Variants in ACTR3B observed in about 807,000 individuals in gnomAD.
ACTR3B encodes the protein actin-related protein 3B.
In ACTR3B, 8 loss-of-function variants were observed where a neutral mutation model predicts 59.0. The observed-to-expected ratio is 0.14, with a 90% CI of 0.08 to 0.24. The LOEUF is 0.24. ACTR3B is among the 10% of genes least tolerant of loss of function. The pLI, the probability that ACTR3B is intolerant of heterozygous loss-of-function variation, is 1.00. For synonymous variants in ACTR3B, 148 were observed against 197.9 expected (o/e 0.75, Z 2.12); for missense variants, 245 against 552.3 (o/e 0.44, Z 5.58).
intron 1 of ACTR3B, among the ~76,000 whole-genome samples, chr7:152,767,329 T>G (rs2098113517): frequency 6.6e-6 from 1 of 152,186 alleles, no homozygotes; most frequent in African/African-American, 2.4e-5. Flanking sequence ...CTGGATTTTG[T>G]ATTGTGTTGA....
rs559663323 is a variant in ACTR3B, at chr7:152,800,459, A to G, written c.101-72A>G. 3 of 1,566,864 alleles carry G rather than the reference A, an allele frequency of 1.9e-6. No homozygotes were observed. The South Asian group carries it at 3.6e-5, about 19-fold the overall frequency. On this transcript the variant is annotated intron_variant, in intron 2 of 11. Coordinates refer to ENST00000256001, the MANE Select transcript of ACTR3B (RefSeq NM_020445.6). Reference sequence around the variant, plus strand: ...AAAATTTACTTGTGTGTATATAAGGATATTATCCCTTTTGATCATTTAAAT... The same window carrying G: ...AAAATTTACTTGTGTGTATATAAGGGTATTATCCCTTTTGATCATTTAAAT...
intron 1 of ACTR3B, among the ~76,000 whole-genome samples, chr7:152,762,056 A>T (rs924009351): frequency 2.0e-5 from 3 of 152,236 alleles, no homozygotes; most frequent in Non-Finnish European, 4.4e-5. Flanking sequence ...TTGTAAAAGC[A>T]TTGAGCTATA....
chr7:152,784,931 G>A (rs2098166628), intron 2 of ACTR3B, among the ~76,000 whole-genome samples: 1 of 151,998 alleles, frequency 6.6e-6, no homozygotes, highest in African/African-American at 2.4e-5. Context: ...TGAATTCTGT[G>A]GGGACATGGT....
intron 9 of ACTR3B, among the ~76,000 whole-genome samples, chr7:152,832,745 T>C (rs1342499309): frequency 6.6e-6 from 1 of 152,144 alleles, no homozygotes; most frequent in Non-Finnish European, 1.5e-5. Flanking sequence ...GTAGGAAGCC[T>C]GGCAGGCTGG....
chr7:152,783,545 C>G (rs1292098091), intron 2 of ACTR3B, among the ~76,000 whole-genome samples: 4 of 151,798 alleles, frequency 2.6e-5, no homozygotes, highest in East Asian at 3.9e-4. Context: ...TACATACAGT[C>G]TGTTAGCTTA....
At chr7:152,789,019 C>T (rs1590254956) in intron 2 of ACTR3B, among the ~76,000 whole-genome samples, 2 of 104,120 alleles carry the variant, frequency 1.9e-5, no homozygotes, top group Non-Finnish European at 2.1e-5. Context: ...CAGACGCTGT[C>T]TCAAAACAAC....
In ACTR3B at chr7:152,759,944, C is replaced by A; in HGVS notation, c.44+18C>A. The A allele has an allele frequency of 7.3e-7, 1 of 1,361,124 alleles. No homozygotes were observed. Among genetic ancestry groups the A allele is most frequent in the South Asian group, 1.6e-5 (1 of 61,204 alleles). 84.3% of individuals were successfully genotyped at this position (1,361,124 alleles called of 1,614,324 possible). ...GGCACCGGGTAAGAGCAGCTCGGCG[C>A]CCACCCCCGCTCCTCCGCGGCCCCG... On this transcript the variant is annotated intron_variant, in intron 1 of 11. Transcript: ENST00000256001.
intron 4 of ACTR3B, chr7:152,812,017 G>GTTTTT (rs1156557265): frequency 8.8e-5 from 4 of 45,462 alleles, no homozygotes; most frequent in African/African-American, 1.9e-4. Flanking sequence ...GAAAATAAAA[G>GTTTTT]TCTTTTTTTT....
At chr7:152,827,606 G>T (rs2116889089) in intron 9 of ACTR3B, among the ~76,000 whole-genome samples, 1 of 151,548 alleles carries the variant, frequency 6.6e-6, no homozygotes, top group African/African-American at 2.4e-5. Context: ...CCACCGTGTT[G>T]TGGCTGCCCT....
At chr7:152,823,636 C>T (rs1796357388) in intron 8 of ACTR3B, 121 bp downstream of exon 8, 1 of 1,240,272 alleles carries the variant, frequency 8.1e-7, no homozygotes, top group East Asian at 2.3e-5. Context: ...TTCGGTCTCT[C>T]TGCATCCCCT....
Position 152,852,273 on chromosome 7 carries a change from G to A in ACTR3B, c.1077+22G>A, listed in dbSNP as rs202105401. The A allele has an allele frequency of 3.8e-4, 609 of 1,600,684 alleles. 2 individuals are homozygous for A. The African/African-American group carries it at 7.3e-3, about 19-fold the overall frequency. On this transcript the variant is annotated intron_variant, in intron 10 of 11. Coordinates refer to ENST00000256001, the MANE Select transcript of ACTR3B (RefSeq NM_020445.6). ...CAAGGTAGGAGCCAGAGGCCTCCAC[G>A]CAGTGCCTGGGGCTATTGCCCCAGG...
intron 9 of ACTR3B, among the ~76,000 whole-genome samples, chr7:152,826,280 T>C (rs1447696172): frequency 1.3e-5 from 2 of 152,114 alleles, no homozygotes; most frequent in African/African-American, 2.4e-5. Context: ...ATATAAAATA[T>C]ATAGTTTGCG....
At chr7:152,805,380 G>A (rs1394095458) in intron 4 of ACTR3B, among the ~76,000 whole-genome samples, 1 of 152,206 alleles carries the variant, frequency 6.6e-6, no homozygotes, top group Admixed American at 6.5e-5. Context: ...AAGCCGAGGA[G>A]CAGCCAGCTC....
chr7:152,783,425 C>T (rs1304044754), intron 2 of ACTR3B, among the ~76,000 whole-genome samples, 183 bp downstream of exon 2: 44 of 152,086 alleles, frequency 2.9e-4, no homozygotes, highest in African/African-American at 4.3e-4. Context: ...TTGTCACTGT[C>T]GTTGGAATCT....
chr7:152,759,905 G>A lies in ACTR3B; in HGVS notation c.23G>A (p.Cys8Tyr). MAGSLPP[C>Y]VVDCGTGYTK... ...AGCATGGCAGGCTCCCTGCCTCCCT[G>A]CGTGGTGGACTGTGGCACCGGGTAA... is the stretch of plus-strand genomic sequence containing the variant. Residue 8 changes from cysteine (C) to tyrosine (Y), a missense_variant, in exon 1 of 12, where the codon TGC becomes TAC. By Grantham distance (194) the Cys-to-Tyr change is radical. Transcript: ENST00000256001. 1 of 1,388,652 alleles carries A rather than the reference G, an allele frequency of 7.2e-7. No individual in the cohort carries two copies. Among genetic ancestry groups the A allele is most frequent in the Non-Finnish European group, 9.4e-7 (1 of 1,062,324 alleles). 86.0% of individuals were successfully genotyped at this position (1,388,652 alleles called of 1,614,324 possible). A position where few individuals can be genotyped will look rare whatever the true frequency, so the allele number is the denominator to read the frequency against.
chr7:152,849,920 T>C (rs12533407), intron 9 of ACTR3B, among the ~76,000 whole-genome samples: 82,362 of 151,868 alleles, frequency 0.54, 23,856 homozygotes, highest in East Asian at 0.69. Flanking sequence ...CTTCTCCAGG[T>C]GGAAGACCAG....
rs570568867 is a variant in ACTR3B at position 152,817,122 on chromosome 7, C to T, written c.540+534C>T. Reference sequence around the variant, plus strand: ...TTTAAGGGCTGGGCGCGGTGGCTCACGCCTGTAATCCCAGCACTTTGGGAG... The same window carrying T: ...TTTAAGGGCTGGGCGCGGTGGCTCATGCCTGTAATCCCAGCACTTTGGGAG... On this transcript the variant is annotated intron_variant, in intron 6 of 11. Coordinates refer to ENST00000256001, the MANE Select transcript of ACTR3B (RefSeq NM_020445.6). Among the ~76,000 whole-genome samples the T allele has an allele frequency of 2.8e-3, 430 of 152,018 alleles. 3 individuals are homozygous for T. The highest frequency in any genetic ancestry group is 7.1e-3 in the African/African-American group (296 of 41,514).
At chr7:152,821,405 T>C (rs1442625871) in intron 7 of ACTR3B, among the ~76,000 whole-genome samples, 1 of 151,944 alleles carries the variant, frequency 6.6e-6, no homozygotes, top group African/African-American at 2.4e-5. Context: ...GGCTGGAGCA[T>C]TGCTTGAGGC....
rs945200708 is a variant in ACTR3B, at chr7:152,823,210, C to T, written c.685-132C>T. 5.7e-5 allele frequency: 73 copies of T among 1,279,700 alleles called. 1 individual carries two copies. The African/African-American group carries it at 8.0e-4, about 14-fold the overall frequency. The allele number at this position is 1,279,700 out of a possible 1,614,324, so 79.3% of individuals were successfully genotyped here. ...TGGAATGTGAGGCTTGATGCATATC[C>T]ACACTAGAGTTACGGTGGGGGCGGT... On this transcript the variant is annotated intron_variant, in intron 7 of 11. Transcript: ENST00000256001.
Sources: gnomAD v4.1 joint callset for allele counts (sites outside exome capture counted in the v4.1 genomes callset) on GRCh38, gnomAD v4.1.1 for gene constraint, MANE v1.5 for transcripts, NCBI Gene and HGNC (gene_info 2026-07-23, HGNC 2026-07-21) for gene names.